DDB1: variants seen among roughly 807,000 people sequenced by gnomAD.
DDB1 encodes the protein DNA damage-binding protein 1.
In DDB1, 18 loss-of-function variants were observed where a neutral mutation model predicts 133.1. That is an observed-to-expected ratio of 0.14 (90% confidence interval 0.09 to 0.20). The LOEUF (loss-of-function observed/expected upper bound fraction) is 0.20. DDB1 is among the 10% of genes least tolerant of loss of function. The probability of loss-of-function intolerance (pLI) is 1.00; values close to 1 mark genes in which losing one functional copy is unlikely to be tolerated. For synonymous variants in DDB1, 580 were observed against 550.5 expected, an observed-to-expected ratio of 1.05 and a Z score of -0.75; for missense variants, 828 against 1,459.2, an observed-to-expected ratio of 0.57 and a Z score of 7.05.
Position 61,300,870 on chromosome 11 carries a change from A to C in DDB1, c.3278T>G (p.Leu1093Trp). 6.2e-7 allele frequency: 1 copy of C among 1,614,068 alleles called. No homozygotes were observed. Among genetic ancestry groups the C allele is most frequent in the Non-Finnish European group, 8.5e-7 (1 of 1,180,008 alleles). ...GCTAATATCCAGGAAACTCTCAATCAAGTCACCGTCGATGAAACCTGTGGC... is the reference window on the plus strand; with the variant it reads ...GCTAATATCCAGGAAACTCTCAATCCAGTCACCGTCGATGAAACCTGTGGC... ...EPATGFIDGD[L>W]IESFLDISRP... The change falls in exon 26 of 27, where the codon TTG (leucine) becomes TGG (tryptophan). Residue 1093 changes from leucine (L) to tryptophan (W), a missense_variant. Leu to Trp is a moderately conservative substitution (Grantham distance 61). Around this residue, in one of 7 missense-constraint regions of DDB1, gnomAD observed 116 missense variants for 221.6 expected, o/e 0.52. Transcript: ENST00000301764.
At chr11:61,324,407 C>G in intron 6 of DDB1, 1 of 372,944 alleles carries the variant, frequency 2.7e-6, no homozygotes, top group Non-Finnish European at 5.0e-6. Context: ...AATAGAAATA[C>G]ACAGAATAGG....
intron 10 of DDB1, among the ~76,000 whole-genome samples, chr11:61,319,135 T>C (rs1187022181): frequency 1.3e-5 from 2 of 152,106 alleles, no homozygotes; most frequent in African/African-American, 2.4e-5. Context: ...GAACCCAGGA[T>C]ATTGAGGCTA....
chr11:61,311,910 C>T lies in DDB1; in HGVS notation c.2166-15G>A, dbSNP rs1565241153. 6.2e-7 allele frequency: 1 copy of T among 1,614,114 alleles called. No individual in the cohort carries two copies. Among genetic ancestry groups the T allele is most frequent in the Non-Finnish European group, 8.5e-7 (1 of 1,179,970 alleles). On this transcript the variant is annotated splice_polypyrimidine_tract_variant and intron_variant, in intron 17 of 26. Coordinates refer to ENST00000301764, the MANE Select transcript of DDB1 (RefSeq NM_001923.5). The stretch of plus-strand genomic sequence containing the variant: ...AGCAGATCTTCCTGCAGAACAAGTA[C>T]AGAACAACAGTGTCACTTAGAAAGT...
At chr11:61,306,836 G>A (rs1855889512) in intron 21 of DDB1, among the ~76,000 whole-genome samples, 1 of 152,134 alleles carries the variant, frequency 6.6e-6, no homozygotes, top group African/African-American at 2.4e-5. Context: ...CCAACAGGAT[G>A]ACTGTTCTTT....
chr11:61,306,005 A>C (rs1855876233), intron 21 of DDB1, among the ~76,000 whole-genome samples: 1 of 152,204 alleles, frequency 6.6e-6, no homozygotes, highest in Non-Finnish European at 1.5e-5. Context: ...AAAATACCTT[A>C]TTCATTTCAC....
rs1166552350 is a variant in DDB1 at position 61,329,677 on chromosome 11, A to T, written c.328-93T>A. ...CACTTGTGCAGAAAAATTTTAGGAGAGGTATTAAAACTAATGGATCTATTT... is the reference window on the plus strand; with the variant it reads ...CACTTGTGCAGAAAAATTTTAGGAGTGGTATTAAAACTAATGGATCTATTT... On this transcript the variant is annotated intron_variant, in intron 3 of 26. Transcript: ENST00000301764. 9 of 1,238,410 alleles carry T rather than the reference A, an allele frequency of 7.3e-6. No individual in the cohort carries two copies. The East Asian group carries it at 2.3e-4, about 32-fold the overall frequency. 76.7% of individuals were successfully genotyped at this position (1,238,410 alleles called of 1,614,324 possible). A position where few individuals can be genotyped will look rare whatever the true frequency, so the allele number is the denominator to read the frequency against.
intron 10 of DDB1, among the ~76,000 whole-genome samples, chr11:61,317,549 C>T (rs1201875364): frequency 2.0e-5 from 3 of 152,162 alleles, no homozygotes; most frequent in African/African-American, 7.2e-5. Flanking sequence ...CTCTGTCACC[C>T]AGACTGGGGT....
chr11:61,323,602 G>A (rs28720281), intron 7 of DDB1: 12 of 249,430 alleles, frequency 4.8e-5, no homozygotes, highest in Admixed American at 2.9e-4. Context: ...TTGTAGAGAT[G>A]GGGTTTTGCC....
At chr11:61,320,055 C>T (rs1050100310) in intron 10 of DDB1, among the ~76,000 whole-genome samples, 2 of 152,184 alleles carry the variant, frequency 1.3e-5, no homozygotes, top group African/African-American at 4.8e-5. Flanking sequence ...ACTGTGTTTA[C>T]ATGAAAGCTA....
chr11:61,321,809 G>T, intron 9 of DDB1, 112 bp from the exon 10 acceptor site: 1 of 951,880 alleles, frequency 1.1e-6, no homozygotes, highest in Non-Finnish European at 1.7e-6. Context: ...TTATTGTGGG[G>T]CTAGGTTTGA....
At chr11:61,313,393 A>G (rs777294691) in intron 16 of DDB1, 106 bp downstream of exon 16, 106 of 1,022,624 alleles carry the variant, frequency 1.0e-4, no homozygotes, top group Non-Finnish European at 1.5e-4. Context: ...TTCCCATCTC[A>G]GTTATGATTT....
rs1387324578 is a variant in DDB1, at chr11:61,324,096, G to GCCAT, written c.800_803dup (p.Ser269TrpfsTer45). ...CCATGTCTCCCAGCAGGTATCTTGA[G>GCCAT]CCATTAGGGTCCACTCGATTGTGGC... On this transcript the variant is annotated frameshift_variant, in exon 7 of 27. Transcript: ENST00000301764. LOFTEE classifies it high-confidence loss of function. 6.2e-7 allele frequency: 1 copy of GCCAT among 1,614,114 alleles called. No individual in the cohort carries two copies. The highest frequency in any genetic ancestry group is 8.5e-7 in the Non-Finnish European group (1 of 1,180,022).
At position 61,321,565 on chromosome 11, in the gene DDB1, T is replaced by C. The variant is rs12290116; in HGVS notation, c.1225+30A>G. ...CAAGGCCAAAGTCCCTCATGTAAGA[T>C]CTACATCCTATGCCCACCAAAAAAG... On this transcript the variant is annotated intron_variant, in intron 10 of 26. Coordinates refer to ENST00000301764, the MANE Select transcript of DDB1 (RefSeq NM_001923.5). The C allele has an allele frequency of 0.037, 59,241 of 1,606,104 alleles. 10,916 individuals are homozygous for C. In the African/African-American group the frequency reaches 0.5, roughly 14 times the overall value.
At position 61,331,604 on chromosome 11, in the gene DDB1, CGAA is replaced by C; in HGVS notation, c.146_148del (p.Leu49del). On this transcript the variant is annotated inframe_deletion, in exon 2 of 27. Coordinates refer to ENST00000301764, the MANE Select transcript of DDB1 (RefSeq NM_001923.5). ...ATACATGCCCACCTCTTTGACGGGC[CGAA>C]GCCCCTCGGCGGTGACCACATAGAT... 1 of 1,614,152 alleles carries C rather than the reference CGAA, an allele frequency of 6.2e-7. No homozygotes were observed. The highest frequency in any genetic ancestry group is 8.5e-7 in the Non-Finnish European group (1 of 1,180,042).
In DDB1 at chr11:61,303,050, C is replaced by T; in HGVS notation, c.2938G>A (p.Asp980Asn). 6.2e-7 allele frequency: 1 copy of T among 1,614,084 alleles called. No homozygotes were observed. The highest frequency in any genetic ancestry group is 8.5e-7 in the Non-Finnish European group (1 of 1,179,964). Reference sequence around the variant, plus strand: ...CCAGAGCTGGCCACTACTCACCTATCCTTTTGACACACAAACAAGTTAAAG... The same window carrying T: ...CCAGAGCTGGCCACTACTCACCTATTCTTTTGACACACAAACAAGTTAAAG... ...NAFNLFVCQK[D>N]SAATTDEERQ... The change falls in exon 23 of 27, where the codon GAT (aspartate) becomes AAT (asparagine). Residue 980 changes from aspartate (D) to asparagine (N), a missense_variant. Physicochemically the swap from Asp to Asn is conservative, Grantham distance 23 (BLOSUM62 1). This residue lies in a region of DDB1 where 116 missense variants were observed against 221.6 expected (regional missense o/e 0.52). Coordinates refer to ENST00000301764, the MANE Select transcript of DDB1 (RefSeq NM_001923.5).
chr11:61,303,816 G>A (rs1216489703), intron 22 of DDB1, 49 bp downstream of exon 22: 1 of 1,602,550 alleles, frequency 6.2e-7, no homozygotes, highest in Non-Finnish European at 8.5e-7. Flanking sequence ...CACTTGCAGG[G>A]GCGGTGGCTC....
rs28720285 is a variant in DDB1, at chr11:61,323,155, T to C, written c.922-61A>G. ...TGGACCCTACGTGGGATCCAGATAC[T>C]ACCCACATCTCAGACATCTGCTGAG... On this transcript the variant is annotated intron_variant, in intron 7 of 26. Coordinates refer to ENST00000301764, the MANE Select transcript of DDB1 (RefSeq NM_001923.5). 1,171 of 1,331,968 alleles carry C rather than the reference T, an allele frequency of 8.8e-4. 8 individuals carry two copies. The African/African-American group carries it at 0.013, about 15-fold the overall frequency. 82.5% of individuals were successfully genotyped at this position (1,331,968 alleles called of 1,614,324 possible). A position where few individuals can be genotyped will look rare whatever the true frequency, so the allele number is the denominator to read the frequency against.
intron 5 of DDB1, 102 bp downstream of exon 5, chr11:61,326,677 A>G: frequency 1.1e-6 from 1 of 880,562 alleles, no homozygotes; most frequent in Non-Finnish European, 2.0e-6. Flanking sequence ...CTTCAATAAT[A>G]CCGAGCGCCA....
intron 19 of DDB1, 132 bp from the exon 20 acceptor site, chr11:61,310,092 A>G: frequency 1.4e-6 from 2 of 1,402,484 alleles, no homozygotes; most frequent in Non-Finnish European, 2.0e-6. Flanking sequence ...GTCTCATCAG[A>G]TTATCCATCC....
Sources: gnomAD v4.1 joint callset for allele counts (sites outside exome capture counted in the v4.1 genomes callset) on GRCh38, gnomAD v4.1.1 for gene constraint, gnomAD v4.1.1 regional missense constraint, MANE v1.5 for transcripts, NCBI Gene and HGNC (gene_info 2026-07-23, HGNC 2026-07-21) for gene names.